Variants in KIF15 observed in about 807,000 individuals in gnomAD.
KIF15 encodes the protein kinesin-like protein KIF15.
In KIF15, 140 loss-of-function variants were observed where a neutral mutation model predicts 190.6. The ratio of observed to expected loss-of-function variants is 0.73; its 90% confidence interval spans 0.64 to 0.84. The LOEUF is 0.84. Ranked by LOEUF, KIF15 falls within the 40% of genes least tolerant of loss-of-function variation. KIF15 has a pLI of 0.00. For synonymous variants in KIF15, 528 were observed against 551.3 expected (o/e 0.96, Z 0.59); for missense variants, 1,372 against 1,584.4 (o/e 0.87, Z 2.28).
In KIF15 at chr3:44,786,434, A is replaced by G. The variant is rs1706410350; in HGVS notation, c.499A>G (p.Ile167Val). ...GAGTTTCCTTTGTAAGTGTTCCTTT[A>G]TTGAAATCTACAACGAGCAGATATA... ...GKSFLCKCSF[I>V]EIYNEQIYDL... Residue 167 changes from isoleucine to valine, a missense_variant, in exon 7 of 35, where the codon ATT (isoleucine) becomes GTT (valine). By Grantham distance (29) the Ile-to-Val change is conservative. Coordinates refer to ENST00000326047, the MANE Select transcript of KIF15 (RefSeq NM_020242.3). 4 of 1,611,284 alleles carry G rather than the reference A, an allele frequency of 2.5e-6. No individual in the cohort carries two copies. The highest frequency in any genetic ancestry group is 3.4e-6 in the Non-Finnish European group (4 of 1,178,106).
downstream of KIF15, among the ~76,000 whole-genome samples, chr3:44,855,315 G>A (rs1235405425): frequency 6.6e-6 from 1 of 152,210 alleles, no homozygotes; most frequent in African/African-American, 2.4e-5. Flanking sequence ...AGATTACAAA[G>A]TACATTGATC....
At chr3:44,806,273 T>C (rs1220510149) in intron 16 of KIF15, among the ~76,000 whole-genome samples, 1 of 152,202 alleles carries the variant, frequency 6.6e-6, no homozygotes, top group African/African-American at 2.4e-5. Flanking sequence ...TTTCTCTAAA[T>C]TGGAAATGAA....
In KIF15 at chr3:44,826,144, C is replaced by A; in HGVS notation, c.2655C>A (p.Leu885=). The A allele has an allele frequency of 6.3e-7, 1 of 1,578,602 alleles. No homozygotes were observed. Among genetic ancestry groups the A allele is most frequent in the Non-Finnish European group, 8.5e-7 (1 of 1,170,884 alleles). ...KFEIDQLSRN[L]QNFKKENETL... ...AGATTGACCAACTTTCAAGAAACCT[C>A]CAAAACTTCAAAAAAGAAAATGAAA... is the stretch of plus-strand genomic sequence containing the variant. The change falls in exon 21 of 35, where the codon CTC becomes CTA. Residue 885 remains leucine (L), a synonymous_variant. Coordinates refer to ENST00000326047, the MANE Select transcript of KIF15 (RefSeq NM_020242.3).
At chr3:44,846,011 A>G (rs751449874) in intron 30 of KIF15, among the ~76,000 whole-genome samples, 1 of 152,200 alleles carries the variant, frequency 6.6e-6, no homozygotes, top group African/African-American at 2.4e-5. Flanking sequence ...ATACCCTGCA[A>G]TTGCAATCCC....
Position 44,846,282 on chromosome 3 carries a change from T to C in KIF15, c.3696-1703T>C, listed in dbSNP as rs148910991. Among the ~76,000 whole-genome samples, 3 of 152,304 alleles carry C rather than the reference T, an allele frequency of 2.0e-5. No homozygotes were observed. The East Asian group carries it at 5.8e-4, about 29-fold the overall frequency. ...TACAAAGAAGATATGTTTTAGACAA[T>C]ACTCAGGTGTATGGGTAAAAAACTC... On this transcript the variant is annotated intron_variant, in intron 30 of 34. Coordinates refer to ENST00000326047, the MANE Select transcript of KIF15 (RefSeq NM_020242.3).
Position 44,848,514 on chromosome 3 carries a change from C to A in KIF15, c.3769-7C>A. The A allele has an allele frequency of 1.8e-6, 2 of 1,099,806 alleles. No homozygotes were observed. Among genetic ancestry groups the A allele is most frequent in the Non-Finnish European group, 2.7e-6 (2 of 747,206 alleles). 68.1% of individuals were successfully genotyped at this position (1,099,806 alleles called of 1,614,324 possible). A position where few individuals can be genotyped will look rare whatever the true frequency, so the allele number is the denominator to read the frequency against. ...CTTTTTATTTTCTTTTTTTAATCTT[C>A]TTATAGAGTAAAATAGTTGAAGAAA... On this transcript the variant is annotated splice_region_variant and splice_polypyrimidine_tract_variant and intron_variant, in intron 31 of 34. Coordinates refer to ENST00000326047, the MANE Select transcript of KIF15 (RefSeq NM_020242.3).
chr3:44,762,865 C>A (rs981819780), intron 1 of KIF15, among the ~76,000 whole-genome samples: 5 of 152,138 alleles, frequency 3.3e-5, no homozygotes, highest in Non-Finnish European at 7.3e-5. Context: ...TATGAGCTCA[C>A]AAAATGGTAC....
At chr3:44,794,822 C>T (rs1406202826) in intron 8 of KIF15, among the ~76,000 whole-genome samples, 12 of 151,972 alleles carry the variant, frequency 7.9e-5, no homozygotes, top group African/African-American at 2.9e-4. Flanking sequence ...GTCAGCTGGG[C>T]GTGGTGATGC....
chr3:44,782,894 T>C (rs1292290717), intron 5 of KIF15, among the ~76,000 whole-genome samples: 1 of 152,156 alleles, frequency 6.6e-6, no homozygotes, highest in African/African-American at 2.4e-5. Flanking sequence ...GCATGGGAAG[T>C]CGGAGCTATA....
intron 30 of KIF15, among the ~76,000 whole-genome samples, chr3:44,844,184 C>T (rs1011137372): frequency 2.0e-5 from 3 of 152,162 alleles, no homozygotes; most frequent in Admixed American, 2.0e-4. Context: ...AGCTCCCTGG[C>T]CCTGTCCAGA....
At chr3:44,840,618 C>CTAATT (rs1698544557) in intron 28 of KIF15, among the ~76,000 whole-genome samples, 162 bp downstream of exon 28, 3 of 145,326 alleles carry the variant, frequency 2.1e-5, no homozygotes, top group Non-Finnish European at 3.0e-5. Flanking sequence ...TCTTTTATTT[C>CTAATT]CTTGGAAAAG....
chr3:44,762,091 C>T (rs1444516053), intron 1 of KIF15, among the ~76,000 whole-genome samples: 1 of 152,168 alleles, frequency 6.6e-6, no homozygotes, highest in Admixed American at 6.5e-5. Flanking sequence ...GTGTCCTGTG[C>T]GCATGCCAGG....
intron 6 of KIF15, chr3:44,864,282 G>A (rs752801816): frequency 1.9e-6 from 3 of 1,614,224 alleles, no homozygotes; most frequent in Admixed American, 3.3e-5. Context: ...CGGGGCCTCA[G>A]TTTCTCCATG....
chr3:44,856,671 A>C (rs149453906), downstream of KIF15, among the ~76,000 whole-genome samples: 1,594 of 152,272 alleles, frequency 0.01, 19 homozygotes, highest in Middle Eastern at 0.027. Flanking sequence ...TTATCAGCAT[A>C]AGCATTGCCC....
Position 44,784,919 on chromosome 3 carries a change from T to G in KIF15, c.436T>G (p.Leu146Val), listed in dbSNP as rs766272602. The change falls in exon 6 of 35, where the codon TTA (leucine) becomes GTA (valine). Residue 146 changes from leucine (L) to valine (V), a missense_variant. Transcript: ENST00000326047. ...IPRSFEYLFS[L>V]IDREKEKAGA... ...ACGAAGTTTTGAATATTTGTTTTCC[T>G]TAATTGATCGTGAAAAAGAAAAGGT... is the stretch of plus-strand genomic sequence containing the variant. 6.4e-7 allele frequency: 1 copy of G among 1,568,358 alleles called. No homozygotes were observed. Among genetic ancestry groups the G allele is most frequent in the South Asian group, 1.2e-5 (1 of 86,274 alleles).
At chr3:44,845,531 G>C (rs1698808611) in intron 30 of KIF15, among the ~76,000 whole-genome samples, 2 of 151,868 alleles carry the variant, frequency 1.3e-5, no homozygotes, top group Admixed American at 1.3e-4. Flanking sequence ...AAAAAAGAAA[G>C]AAAGAAACTC....
rs1171139544 is a variant in KIF15 at position 44,794,339 on chromosome 3, G to A, written c.762G>A (p.Val254=). 6.2e-7 allele frequency: 1 copy of A among 1,613,984 alleles called. No homozygotes were observed. Among genetic ancestry groups the A allele is most frequent in the Non-Finnish European group, 8.5e-7 (1 of 1,179,954 alleles). ...CAATGGAGAAAAGTAATGAGATTGT[G>A]AATATACGGACCTCCCTACTCAACC... ...IESMEKSNEI[V]NIRTSLLNLV... is the part of the protein sequence containing the mutation. The change falls in exon 8 of 35, where the codon GTG becomes GTA. Residue 254 remains valine (V), a synonymous_variant. Coordinates refer to ENST00000326047, the MANE Select transcript of KIF15 (RefSeq NM_020242.3).
intron 17 of KIF15, among the ~76,000 whole-genome samples, chr3:44,811,663 A>G (rs543452712): frequency 7.2e-5 from 11 of 152,354 alleles, no homozygotes; most frequent in Middle Eastern, 3.4e-3. Context: ...AAGAAAGTTA[A>G]AAGAATCTTA....
At chr3:44,839,304 C>T (rs1575675711) in intron 27 of KIF15, among the ~76,000 whole-genome samples, 1 of 151,390 alleles carries the variant, frequency 6.6e-6, no homozygotes, top group East Asian at 2.0e-4. Context: ...ACCCGGGAGG[C>T]GGAGCTTGCA....
Sources: gnomAD v4.1 joint callset for allele counts (sites outside exome capture counted in the v4.1 genomes callset) on GRCh38, gnomAD v4.1.1 for gene constraint, MANE v1.5 for transcripts, NCBI Gene and HGNC (gene_info 2026-07-23, HGNC 2026-07-21) for gene names.